The following TTC6 variants were observed in gnomAD, a reference collection of about 807,000 sequenced individuals.
The protein encoded by TTC6 is tetratricopeptide repeat domain 6, also known as tetratricopeptide repeat protein 6.
A neutral mutation model predicts 210.4 loss-of-function variants in TTC6; 172 were observed. The observed-to-expected ratio is 0.82, with a 90% CI of 0.72 to 0.93. TTC6 has a LOEUF of 0.93. Among genes scored for constraint, TTC6 ranks in the 40% least tolerant of loss-of-function variants. The probability of loss-of-function intolerance (pLI) is 0.00; values close to 1 mark genes in which losing one functional copy is unlikely to be tolerated. For missense variants in TTC6, 2,414 were observed against 2,318.1 expected (o/e 1.04, Z -0.85); for synonymous variants, 804 against 819.6 (o/e 0.98, Z 0.32).
At chr14:37,781,039 T>A (rs545111587) in intron 14 of TTC6, among the ~76,000 whole-genome samples, 7 of 152,326 alleles carry the variant, frequency 4.6e-5, no homozygotes, top group African/African-American at 1.7e-4. Context: ...TGGTAGACAT[T>A]TGAGTCAGTT....
chr14:37,616,739 CA>C (rs11416796), intron 2 of TTC6, among the ~76,000 whole-genome samples: 12,807 of 98,106 alleles, frequency 0.13, 659 homozygotes, highest in Admixed American at 0.26. Context: ...TACTCCATCT[CA>C]AAAAAAAAAA....
At chr14:37,645,154 C>T (rs1158826285) in intron 1 of TTC6, among the ~76,000 whole-genome samples, 1 of 152,162 alleles carries the variant, frequency 6.6e-6, no homozygotes, top group Admixed American at 6.5e-5. Flanking sequence ...TCACTCTTTG[C>T]TAATTTGAAA....
At chr14:37,793,129 C>T (rs974940271) in intron 17 of TTC6, among the ~76,000 whole-genome samples, 1 of 152,148 alleles carries the variant, frequency 6.6e-6, no homozygotes, top group African/African-American at 2.4e-5. Flanking sequence ...GATGGATTTT[C>T]AAATAGCAGC....
chr14:37,757,487 A>G (rs1457876085), intron 14 of TTC6, among the ~76,000 whole-genome samples: 1 of 151,800 alleles, frequency 6.6e-6, no homozygotes, highest in African/African-American at 2.4e-5. Context: ...GTTAGTCAGG[A>G]TGATCTCGAT....
intron 26 of TTC6, among the ~76,000 whole-genome samples, chr14:37,821,812 C>CTTTTTTTTTTT (rs2096158147): frequency 9.4e-6 from 1 of 106,014 alleles, no homozygotes. Flanking sequence ...TGGAGTTTCG[C>CTTTTTTTTTTT]TTTTGTTGCC....
chr14:37,739,129 A>T, exon 10 of TTC6: 2 of 1,511,894 alleles, frequency 1.3e-6, no homozygotes, highest in Non-Finnish European at 1.8e-6. Context: ...ATGAAGAGTT[A>T]TCCAAGCCTC....
exon 11 of TTC6, chr14:37,749,247 C>T: frequency 6.5e-7 from 1 of 1,527,598 alleles, no homozygotes; most frequent in Non-Finnish European, 8.8e-7. Flanking sequence ...TCTGATCTTC[C>T]ACAAGAGGTC....
chr14:37,698,993 A>G (rs777984308), intron 4 of TTC6, among the ~76,000 whole-genome samples: 2 of 152,182 alleles, frequency 1.3e-5, no homozygotes, highest in African/African-American at 2.4e-5. Context: ...TATATTCTTT[A>G]CACCATGCTA....
chr14:37,612,901 T>A (rs1464620827), intron 2 of TTC6, among the ~76,000 whole-genome samples: 1 of 152,226 alleles, frequency 6.6e-6, no homozygotes, highest in East Asian at 1.9e-4. Context: ...TCAGGATTTT[T>A]ATCCTAAAAA....
chr14:37,770,757 A>T (rs749150539), intron 14 of TTC6, among the ~76,000 whole-genome samples: 4,740 of 147,488 alleles, frequency 0.032, 111 homozygotes, highest in Non-Finnish European at 0.05. Context: ...CTCTTTATCC[A>T]ATTTGCCAGT....
At chr14:37,696,672 C>G in intron 3 of TTC6, 45 bp from the exon 6 acceptor site, 2 of 943,524 alleles carry the variant, frequency 2.1e-6, no homozygotes, top group East Asian at 6.0e-5. Context: ...ATCTAACTCT[C>G]ATGTTACATC....
Position 37,725,338 on chromosome 14 carries a change from ATATATATATATATATATATAAT to A in TTC6, c.1818+338_1818+359del, listed in dbSNP as rs1566912241. On this transcript the variant is annotated intron_variant, in intron 7 of 30. Coordinates refer to ENST00000553443, the Ensembl canonical transcript of TTC6. The stretch of plus-strand genomic sequence containing the variant: ...TATATATATATATATATATATATAT[ATATATATATATATATATATAAT>A]TTTTTTTGAGATGGAGTTTTGCTCT... 2.5e-3 allele frequency among the ~76,000 whole-genome samples: 256 copies of A among 100,558 alleles called. 6 individuals carry two copies. Among genetic ancestry groups the A allele is most frequent in the African/African-American group, 8.9e-3 (251 of 28,206 alleles). The allele number at this position is 100,558 out of a possible 152,430, so 66.0% of individuals were successfully genotyped here. A position where few individuals can be genotyped will look rare whatever the true frequency, so the allele number is the denominator to read the frequency against.
chr14:37,785,899 G>A (rs187797448), intron 14 of TTC6, among the ~76,000 whole-genome samples: 55 of 152,268 alleles, frequency 3.6e-4, no homozygotes, highest in Admixed American at 3.6e-3. Flanking sequence ...CACTCCAGAT[G>A]CTGTTTGCCT....
At chr14:37,811,514 C>G (rs970074822) in intron 24 of TTC6, among the ~76,000 whole-genome samples, 5 of 152,104 alleles carry the variant, frequency 3.3e-5, no homozygotes, top group African/African-American at 1.2e-4. Flanking sequence ...TAGCCCTTTT[C>G]TGATCAGACC....
intron 8 of TTC6, 60 bp downstream of exon 10, chr14:37,736,070 A>G (rs1292926156): frequency 3.9e-5 from 34 of 879,628 alleles, no homozygotes; most frequent in Non-Finnish European, 5.8e-5. Flanking sequence ...CAGTCCAGAT[A>G]TTAATTATGG....
chr14:37,806,218 G>T, intron 21 of TTC6, 143 bp from the exon 24 acceptor site: 5 of 810,950 alleles, frequency 6.2e-6, no homozygotes, highest in Middle Eastern at 3.9e-4. Context: ...GTTCCATGAG[G>T]TCCATTAGGA....
chr14:37,767,417 C>T lies in TTC6; in HGVS notation c.3266+14182C>T, dbSNP rs2096002825. Reference sequence around the variant, plus strand: ...TTGAACTAGTTTACAGTTCCACCAACAGTGTAAAAGTGTTCCTATTTCTCC... The same window carrying T: ...TTGAACTAGTTTACAGTTCCACCAATAGTGTAAAAGTGTTCCTATTTCTCC... On this transcript the variant is annotated intron_variant, in intron 14 of 30. Transcript: ENST00000553443. Among the ~76,000 whole-genome samples, 7 of 152,290 alleles carry T rather than the reference C, an allele frequency of 4.6e-5. No homozygotes were observed. The South Asian group carries it at 1.4e-3, about 32-fold the overall frequency.
chr14:37,693,540 A>C (rs1047939947), intron 3 of TTC6, among the ~76,000 whole-genome samples: 4 of 152,128 alleles, frequency 2.6e-5, no homozygotes, highest in Non-Finnish European at 5.9e-5. Flanking sequence ...ATGGAACCAA[A>C]AAAGGCCCAG....
chr14:37,689,849 GATA>G (rs1336826850), intron 3 of TTC6, among the ~76,000 whole-genome samples: 1 of 152,050 alleles, frequency 6.6e-6, no homozygotes. Context: ...AGAAAAGCAT[GATA>G]ATGAGGAATA....
Sources: gnomAD v4.1 joint callset for allele counts (sites outside exome capture counted in the v4.1 genomes callset) on GRCh38, gnomAD v4.1.1 for gene constraint, MANE v1.5 for transcripts, NCBI Gene and HGNC (gene_info 2026-07-23, HGNC 2026-07-21) for gene names.